The following CWF19L2 variants were observed in gnomAD, a reference collection of about 807,000 sequenced individuals.
The protein encoded by CWF19L2 is CWF19-like protein 2.
Under a neutral mutation model 111.7 loss-of-function variants are expected in CWF19L2, and 98 were observed. The ratio of observed to expected loss-of-function variants is 0.88; its 90% CI spans 0.75 to 1.04. The LOEUF (loss-of-function observed/expected upper bound fraction) is 1.04. CWF19L2 is among the 50% of genes least tolerant of loss of function. The probability of loss-of-function intolerance (pLI) is 0.00; values close to 1 mark genes in which losing one functional copy is unlikely to be tolerated. For missense variants in CWF19L2, 1,101 were observed against 1,051.4 expected, an observed-to-expected ratio of 1.05 and a Z score of -0.65; for synonymous variants, 351 against 342.9, an observed-to-expected ratio of 1.02 and a Z score of -0.26.
chr11:107,435,414 T>G (rs1228865220), intron 6 of CWF19L2, among the ~76,000 whole-genome samples: 1 of 152,124 alleles, frequency 6.6e-6, no homozygotes, highest in Non-Finnish European at 1.5e-5. Context: ...AATTGTTTCT[T>G]CCATAAAATT....
chr11:107,357,931 G>A (rs61906000), intron 12 of CWF19L2, among the ~76,000 whole-genome samples: 5 of 152,106 alleles, frequency 3.3e-5, no homozygotes, highest in African/African-American at 1.2e-4. Context: ...AAAGAAAAGA[G>A]GAGCATGAAA....
chr11:107,396,790 C>A (rs1359040229), intron 10 of CWF19L2, among the ~76,000 whole-genome samples: 2 of 152,184 alleles, frequency 1.3e-5, no homozygotes, highest in Non-Finnish European at 2.9e-5. Flanking sequence ...CAGACCCTCT[C>A]TGAAGGAAGC....
At chr11:107,387,340 G>GT (rs1427646976) in intron 12 of CWF19L2, among the ~76,000 whole-genome samples, 3 of 151,740 alleles carry the variant, frequency 2.0e-5, no homozygotes, top group African/African-American at 7.3e-5. Flanking sequence ...CTCCTTCTAA[G>GT]TGATCTCCTG....
At chr11:107,380,161 A>T (rs1391781937) in intron 12 of CWF19L2, among the ~76,000 whole-genome samples, 1 of 151,866 alleles carries the variant, frequency 6.6e-6, no homozygotes, top group Non-Finnish European at 1.5e-5. Flanking sequence ...GTTTGCAATG[A>T]ATCTATTTAA....
At chr11:107,441,191 T>C (rs901269821) in intron 5 of CWF19L2, among the ~76,000 whole-genome samples, 1 of 152,196 alleles carries the variant, frequency 6.6e-6, no homozygotes, top group Non-Finnish European at 1.5e-5. Flanking sequence ...AGTATTTTCA[T>C]GGTGTCTAAT....
At chr11:107,419,696 A>G (rs1861277262) in intron 8 of CWF19L2, among the ~76,000 whole-genome samples, 1 of 152,206 alleles carries the variant, frequency 6.6e-6, no homozygotes, top group Non-Finnish European at 1.5e-5. Context: ...TTAATGGAAA[A>G]TTAAGCTGCA....
In CWF19L2 at chr11:107,416,229, G is replaced by A. The variant is rs1284081566; in HGVS notation, c.1597C>T (p.Pro533Ser). 1 of 1,434,636 alleles carries A rather than the reference G, an allele frequency of 7.0e-7. No homozygotes were observed. Among genetic ancestry groups the A allele is most frequent in the Non-Finnish European group, 9.3e-7 (1 of 1,077,472 alleles). 88.9% of individuals were successfully genotyped at this position (1,434,636 alleles called of 1,614,324 possible). The change falls in exon 10 of 18, where the codon CCA becomes TCA. Residue 533 changes from proline to serine, a missense_variant. By Grantham distance (74) the Pro-to-Ser change is moderately conservative (BLOSUM62 -1). Coordinates refer to ENST00000282251, the MANE Select transcript of CWF19L2 (RefSeq NM_152434.3). Reference sequence around the variant, plus strand: ...CTTACCTCTACCCCAGATTTTTTTGGTATCTGTGTTATAGTTTCTTTGAAT... The same window carrying A: ...CTTACCTCTACCCCAGATTTTTTTGATATCTGTGTTATAGTTTCTTTGAAT... ...NKFKETITQI[P>S]KKSGVENEDQ...
At chr11:107,394,658 C>T (rs1023235419) in intron 10 of CWF19L2, among the ~76,000 whole-genome samples, 6 of 152,042 alleles carry the variant, frequency 3.9e-5, no homozygotes, top group Non-Finnish European at 8.8e-5. Flanking sequence ...AATCTAACAC[C>T]TGCCTTGTAT....
At chr11:107,420,560 A>T (rs1160177443) in intron 8 of CWF19L2, among the ~76,000 whole-genome samples, 2 of 152,092 alleles carry the variant, frequency 1.3e-5, no homozygotes, top group African/African-American at 4.8e-5. Context: ...ATTTGATAGG[A>T]TAAATATAAT....
intron 17 of CWF19L2, among the ~76,000 whole-genome samples, chr11:107,328,292 T>G (rs1338277749): frequency 6.6e-6 from 1 of 152,152 alleles, no homozygotes; most frequent in Non-Finnish European, 1.5e-5. Context: ...GTTCAAGAGT[T>G]TCTCAGCATC....
At chr11:107,353,172 G>A (rs1041071984) in intron 13 of CWF19L2, among the ~76,000 whole-genome samples, 2 of 152,026 alleles carry the variant, frequency 1.3e-5, no homozygotes, top group Admixed American at 6.5e-5. Context: ...TTTATTTACT[G>A]CCTTATTTCA....
At chr11:107,407,028 G>A (rs2135390052) in intron 10 of CWF19L2, among the ~76,000 whole-genome samples, 1 of 152,050 alleles carries the variant, frequency 6.6e-6, no homozygotes, top group South Asian at 2.1e-4. Flanking sequence ...GATTCACTGT[G>A]ATATAGCAAG....
At chr11:107,396,180 T>G (rs1340100227) in intron 10 of CWF19L2, among the ~76,000 whole-genome samples, 1 of 152,206 alleles carries the variant, frequency 6.6e-6, no homozygotes, top group African/African-American at 2.4e-5. Context: ...CAAAAACATT[T>G]TCATTATCCA....
chr11:107,439,093 T>C lies in CWF19L2; in HGVS notation c.661A>G (p.Lys221Glu), dbSNP rs147767886. 85 of 1,387,946 alleles carry C rather than the reference T, an allele frequency of 6.1e-5. No homozygotes were observed. Among genetic ancestry groups the C allele is most frequent in the East Asian group, 3.3e-4 (14 of 43,012 alleles). 86.0% of individuals were successfully genotyped at this position (1,387,946 alleles called of 1,614,324 possible). A position where few individuals can be genotyped will look rare whatever the true frequency, so the allele number is the denominator to read the frequency against. ...TATAATCAAAATGTAGAAATACCTTTAGTAATCGATGACACACTACAGTCT... is the reference window on the plus strand; with the variant it reads ...TATAATCAAAATGTAGAAATACCTTCAGTAATCGATGACACACTACAGTCT... Reference protein sequence around the residue: ...PEDCSVSSITKVSVVEDGGLS... With the variant: ...PEDCSVSSITEVSVVEDGGLS... The change falls in exon 6 of 18, where the codon AAA (lysine) becomes GAA (glutamate). Residue 221 changes from lysine to glutamate, a missense_variant. By Grantham distance (56) the Lys-to-Glu change is moderately conservative. Coordinates refer to ENST00000282251, the MANE Select transcript of CWF19L2 (RefSeq NM_152434.3).
chr11:107,438,285 G>A (rs146062092), intron 6 of CWF19L2, among the ~76,000 whole-genome samples: 6 of 152,246 alleles, frequency 3.9e-5, no homozygotes, highest in African/African-American at 1.4e-4. Context: ...CACTTAATGG[G>A]AATATAAGTA....
At chr11:107,441,378 C>CT in intron 5 of CWF19L2, 125 bp downstream of exon 5, 1 of 771,628 alleles carries the variant, frequency 1.3e-6, no homozygotes, top group Non-Finnish European at 1.9e-6. Context: ...GTTGTTCTCA[C>CT]TAATTGTATT....
chr11:107,407,739 C>T (rs1465383218), intron 10 of CWF19L2, among the ~76,000 whole-genome samples: 4 of 151,786 alleles, frequency 2.6e-5, no homozygotes, highest in Non-Finnish European at 4.4e-5. Context: ...ATTCTTCATC[C>T]CAAAATTAGA....
At chr11:107,395,923 A>G (rs912960769) in intron 10 of CWF19L2, among the ~76,000 whole-genome samples, 14 of 120,510 alleles carry the variant, frequency 1.2e-4, no homozygotes, top group Non-Finnish European at 1.9e-4. Context: ...TGGGAATTCA[A>G]TAAATGCTTG....
intron 10 of CWF19L2, chr11:107,403,971 C>A: frequency 2.3e-6 from 2 of 874,768 alleles, no homozygotes; most frequent in Non-Finnish European, 2.0e-6. Context: ...GTTGCGACAA[C>A]TGACCGAACG....
Sources: gnomAD v4.1 joint callset for allele counts (sites outside exome capture counted in the v4.1 genomes callset) on GRCh38, gnomAD v4.1.1 for gene constraint, MANE v1.5 for transcripts, NCBI Gene and HGNC (gene_info 2026-07-23, HGNC 2026-07-21) for gene names.